The following PTPRM variants were observed in gnomAD, a reference collection of about 807,000 sequenced individuals.
PTPRM encodes the protein protein tyrosine phosphatase receptor type M, also known as receptor-type tyrosine-protein phosphatase mu.
PTPRM carries 47 observed loss-of-function variants against 186.7 expected under a neutral mutation model. The observed-to-expected ratio is 0.25, with a 90% confidence interval of 0.20 to 0.32. PTPRM has a LOEUF of 0.32. Ranked by LOEUF, PTPRM falls within the 10% of genes least tolerant of loss-of-function variation. The pLI, the probability that PTPRM is intolerant of heterozygous loss-of-function variation, is 1.00. For missense variants in PTPRM, 1,494 were observed against 1,865.0 expected (o/e 0.80, Z 3.66); for synonymous variants, 668 against 674.9 (o/e 0.99, Z 0.16).
chr18:8,371,561 T>C (rs762072093), intron 24 of PTPRM, among the ~76,000 whole-genome samples: 3 of 152,184 alleles, frequency 2.0e-5, no homozygotes, highest in Non-Finnish European at 2.9e-5. Context: ...TGGGACACTC[T>C]TGCATGAACC....
At chr18:8,070,048 C>G in intron 8 of PTPRM, 54 bp downstream of exon 8, 1 of 1,493,926 alleles carries the variant, frequency 6.7e-7, no homozygotes, top group Non-Finnish European at 9.1e-7. Context: ...CAAAAAACAA[C>G]TTTTGTTTCG....
rs1452951326 is a variant in PTPRM, at chr18:7,984,594, TATATATATACAC to T, written c.1132+29182_1132+29193del. 1.3e-3 allele frequency among the ~76,000 whole-genome samples: 152 copies of T among 120,148 alleles called. 1 individual carries two copies. Among genetic ancestry groups the T allele is most frequent in the African/African-American group, 4.9e-3 (146 of 29,942 alleles). The allele number at this position is 120,148 out of a possible 152,430, so 78.8% of individuals were successfully genotyped here. A position where few individuals can be genotyped will look rare whatever the true frequency, so the allele number is the denominator to read the frequency against. On this transcript the variant is annotated intron_variant, in intron 7 of 32. Coordinates refer to ENST00000580170, the MANE Select transcript of PTPRM (RefSeq NM_001105244.2). ...CCCCATATATATATATATATATATA[TATATATATACAC>T]ACACACACACACACACACACACAAA...
intron 1 of PTPRM, among the ~76,000 whole-genome samples, chr18:7,703,236 A>G (rs1044365793): frequency 6.6e-6 from 1 of 152,164 alleles, no homozygotes; most frequent in Non-Finnish European, 1.5e-5. Flanking sequence ...TGCGGATAGC[A>G]TTGAATCTGT....
intron 2 of PTPRM, among the ~76,000 whole-genome samples, chr18:7,838,740 C>G (rs533137224): frequency 6.6e-6 from 1 of 152,350 alleles, no homozygotes; most frequent in Non-Finnish European, 1.5e-5. Context: ...AGGCCTGCCT[C>G]CTTCCCTGCA....
intron 2 of PTPRM, among the ~76,000 whole-genome samples, chr18:7,782,322 C>T (rs58335908): frequency 0.028 from 4,196 of 151,564 alleles, 168 homozygotes; most frequent in African/African-American, 0.089. Context: ...GCTGGGATTA[C>T]GTTTCATGTT....
chr18:7,591,993 G>A (rs28399859), intron 1 of PTPRM, among the ~76,000 whole-genome samples: 48,448 of 151,992 alleles, frequency 0.32, 11,628 homozygotes, highest in African/African-American at 0.66. Flanking sequence ...TCTGTTCCCA[G>A]AAAACTTTGA....
At chr18:8,138,328 G>A (rs766237778) in intron 13 of PTPRM, among the ~76,000 whole-genome samples, 21 of 151,456 alleles carry the variant, frequency 1.4e-4, no homozygotes, top group African/African-American at 3.9e-4. Flanking sequence ...CTGTTGGCTC[G>A]TGGCCATCAG....
intron 11 of PTPRM, among the ~76,000 whole-genome samples, chr18:8,090,515 A>G (rs554645871): frequency 1.3e-5 from 2 of 152,322 alleles, no homozygotes; most frequent in African/African-American, 2.4e-5. Context: ...CACATTTTCT[A>G]TACTTGTATC....
chr18:7,722,703 C>A (rs866359484), intron 1 of PTPRM, among the ~76,000 whole-genome samples: 2 of 152,028 alleles, frequency 1.3e-5, no homozygotes. Flanking sequence ...AAAGACAAAT[C>A]ATAAACTGGG....
At chr18:7,792,454 T>C (rs1294927017) in intron 2 of PTPRM, among the ~76,000 whole-genome samples, 2 of 152,188 alleles carry the variant, frequency 1.3e-5, no homozygotes, top group Admixed American at 1.3e-4. Flanking sequence ...TGGTTTTGCC[T>C]GTTTTCTCCT....
chr18:8,340,062 T>G (rs1051243442), intron 22 of PTPRM, among the ~76,000 whole-genome samples: 1 of 151,876 alleles, frequency 6.6e-6, no homozygotes. Flanking sequence ...GAATCACCAG[T>G]GCCCACCCCT....
At chr18:8,109,814 G>A (rs1465959159) in intron 11 of PTPRM, among the ~76,000 whole-genome samples, 1 of 152,166 alleles carries the variant, frequency 6.6e-6, no homozygotes, top group Non-Finnish European at 1.5e-5. Context: ...TTAGGAGAGA[G>A]GAATGGGAAG....
In PTPRM at chr18:7,770,146, G is replaced by T. The variant is rs567078823; in HGVS notation, c.74-4003G>T. Among the ~76,000 whole-genome samples, 12 of 152,300 alleles carry T rather than the reference G, an allele frequency of 7.9e-5. No homozygotes were observed. In the South Asian group the frequency reaches 2.5e-3, roughly 32 times the overall value. ...TGTTGCTGACCATACTGCTGTAGAT[G>T]ATGGCAAAATTTGTCTGTATTATTC... On this transcript the variant is annotated intron_variant, in intron 1 of 32. Transcript: ENST00000580170.
In PTPRM at chr18:7,609,724, C is replaced by G. The variant is rs77236344; in HGVS notation, c.73+41833C>G. Among the ~76,000 whole-genome samples, 292 of 152,214 alleles carry G rather than the reference C, an allele frequency of 1.9e-3. 6 individuals are homozygous for G. The East Asian group carries it at 0.05, about 26-fold the overall frequency. ...CTGCCATTGGAGGATCTCCCAAACC[C>G]TGTGAGCTCTTGAGTGTCTGATTAC... On this transcript the variant is annotated intron_variant, in intron 1 of 32. Coordinates refer to ENST00000580170, the MANE Select transcript of PTPRM (RefSeq NM_001105244.2).
intron 2 of PTPRM, among the ~76,000 whole-genome samples, chr18:7,863,269 G>A (rs2047488094): frequency 6.6e-6 from 1 of 152,038 alleles, no homozygotes; most frequent in Non-Finnish European, 1.5e-5. Context: ...TTGTTACATA[G>A]GTATACACAT....
chr18:7,834,672 A>C (rs2045945389), intron 2 of PTPRM, among the ~76,000 whole-genome samples: 1 of 151,508 alleles, frequency 6.6e-6, no homozygotes, highest in Non-Finnish European at 1.5e-5. Context: ...GAGTAGTTTG[A>C]GTAGGATTGG....
At chr18:8,101,438 TG>T (rs1239133936) in intron 11 of PTPRM, among the ~76,000 whole-genome samples, 1 of 152,216 alleles carries the variant, frequency 6.6e-6, no homozygotes, top group Non-Finnish European at 1.5e-5. Flanking sequence ...GGAAATTTTC[TG>T]GGTCCTAGCA....
intron 3 of PTPRM, among the ~76,000 whole-genome samples, chr18:7,899,616 C>A (rs184704818): frequency 5.3e-5 from 8 of 152,102 alleles, no homozygotes; most frequent in Admixed American, 3.3e-4. Context: ...ATGTTTGTTT[C>A]AGTAAAAACA....
chr18:8,148,563 G>A (rs369700234), intron 14 of PTPRM, among the ~76,000 whole-genome samples: 3 of 151,882 alleles, frequency 2.0e-5, no homozygotes, highest in Non-Finnish European at 2.9e-5. Flanking sequence ...AGTCTGGCTC[G>A]TGGTCTAGCT....
Sources: gnomAD v4.1 joint callset for allele counts (sites outside exome capture counted in the v4.1 genomes callset) on GRCh38, gnomAD v4.1.1 for gene constraint, MANE v1.5 for transcripts, NCBI Gene and HGNC (gene_info 2026-07-23, HGNC 2026-07-21) for gene names.